The following RUFY3 variants were observed in gnomAD, a reference collection of about 807,000 sequenced individuals.
RUFY3 encodes protein RUFY3.
In RUFY3, 34 loss-of-function variants were observed where a neutral mutation model predicts 84.0. The observed-to-expected ratio is 0.40, with a 90% CI of 0.31 to 0.54. The LOEUF is 0.54. Among genes scored for constraint, RUFY3 ranks in the 20% least tolerant of loss-of-function variants. The pLI is 0.39. For missense variants in RUFY3, 507 were observed against 736.8 expected, an observed-to-expected ratio of 0.69 and a Z score of 3.61; for synonymous variants, 242 against 252.9, an observed-to-expected ratio of 0.96 and a Z score of 0.41.
chr4:70,796,813 T>A (rs1731572459), intron 14 of RUFY3, among the ~76,000 whole-genome samples: 1 of 152,186 alleles, frequency 6.6e-6, no homozygotes, highest in East Asian at 1.9e-4. Context: ...CCCCAAAAGC[T>A]TTTTGTAAAG....
chr4:70,707,996 C>T (rs1403785136), intron 1 of RUFY3, among the ~76,000 whole-genome samples: 3 of 152,176 alleles, frequency 2.0e-5, no homozygotes, highest in South Asian at 4.1e-4. Context: ...TGGTGGCTCA[C>T]ACCTGTAATC....
In RUFY3 at chr4:70,722,669, A is replaced by G. The variant is rs749090282; in HGVS notation, c.96A>G (p.Arg32=). 4.3e-6 allele frequency: 7 copies of G among 1,613,848 alleles called. No individual in the cohort carries two copies. The Admixed American group carries it at 1.2e-4, about 27-fold the overall frequency. Residue 32 remains arginine, a synonymous_variant, in exon 1 of 18, where the codon CGA becomes CGG. Transcript: ENST00000381006. Reference sequence around the variant, plus strand: ...AGACCATCTACCTTTGCAAATTCCGAGTGTCCATGGATGGAGAATGGCTCT... The same window carrying G: ...AGACCATCTACCTTTGCAAATTCCGGGTGTCCATGGATGGAGAATGGCTCT... ...AMETIYLCKF[R]VSMDGEWLCL...
rs1373905949 is a variant in RUFY3 at position 70,722,267 on chromosome 4, T to TG, written c.-301dup. ...CCTATAGCTCAGCTGAAAAAAAAGGTGGGGGGCAGGGAAGGGAAGATAAAA... is the reference window on the plus strand; with the variant it reads ...CCTATAGCTCAGCTGAAAAAAAAGGTGGGGGGGCAGGGAAGGGAAGATAAAA... On this transcript the variant is annotated 5_prime_UTR_variant, in exon 1 of 18. Transcript: ENST00000381006. 3.2e-6 allele frequency: 4 copies of TG among 1,231,100 alleles called. No individual in the cohort carries two copies. Among genetic ancestry groups the TG allele is most frequent in the South Asian group, 4.2e-5 (1 of 23,594 alleles). 76.3% of individuals were successfully genotyped at this position (1,231,100 alleles called of 1,614,324 possible).
At chr4:70,795,392 G>A (rs1731376429) in intron 14 of RUFY3, among the ~76,000 whole-genome samples, 2 of 151,972 alleles carry the variant, frequency 1.3e-5, no homozygotes, top group Admixed American at 1.3e-4. Context: ...CTTGAGGAAA[G>A]GAAGGTAATA....
At chr4:70,718,422 C>T (rs1422849838), upstream of RUFY3, among the ~76,000 whole-genome samples, 2 of 152,098 alleles carry the variant, frequency 1.3e-5, no homozygotes, top group African/African-American at 2.4e-5. Context: ...GTTTAAGCAG[C>T]TAGAACGTAG....
chr4:70,724,992 T>C (rs1348121381), intron 1 of RUFY3, among the ~76,000 whole-genome samples: 1 of 152,174 alleles, frequency 6.6e-6, no homozygotes, highest in Non-Finnish European at 1.5e-5. Context: ...CAGACTGCTT[T>C]CCGGGCTGAT....
intron 1 of RUFY3, among the ~76,000 whole-genome samples, chr4:70,740,267 CTTAAA>C (rs751030988): frequency 6.6e-6 from 1 of 152,108 alleles, no homozygotes; most frequent in Non-Finnish European, 1.5e-5. Flanking sequence ...GAAAAGTTCT[CTTAAA>C]TTAATTGCAT....
intron 1 of RUFY3, among the ~76,000 whole-genome samples, chr4:70,739,302 A>T (rs2148640981): frequency 6.6e-6 from 1 of 152,168 alleles, no homozygotes; most frequent in African/African-American, 2.4e-5. Context: ...TTTAATATTT[A>T]GCTTAGCTGG....
At chr4:70,732,769 G>A (rs1719496606) in intron 1 of RUFY3, among the ~76,000 whole-genome samples, 1 of 108,484 alleles carries the variant, frequency 9.2e-6, no homozygotes, top group African/African-American at 6.0e-5. Flanking sequence ...TGGGTAGGGG[G>A]CTGGGGGGAG....
intron 3 of RUFY3, among the ~76,000 whole-genome samples, chr4:70,763,988 C>T (rs960263717): frequency 5.3e-5 from 8 of 152,100 alleles, no homozygotes; most frequent in African/African-American, 1.9e-4. Flanking sequence ...AAAAGGTATT[C>T]AGTGGGTTTG....
chr4:70,723,107 T>G (rs932096831), intron 1 of RUFY3, among the ~76,000 whole-genome samples: 2 of 152,158 alleles, frequency 1.3e-5, no homozygotes, highest in African/African-American at 4.8e-5. Context: ...ATTGTAGTGA[T>G]TTATAACACT....
intron 1 of RUFY3, among the ~76,000 whole-genome samples, chr4:70,747,187 G>A (rs1722371731): frequency 6.6e-6 from 1 of 152,140 alleles, no homozygotes; most frequent in African/African-American, 2.4e-5. Context: ...TTTGAATAGA[G>A]TTCAAACTCC....
intron 5 of RUFY3, 54 bp from the exon 6 acceptor site, chr4:70,773,457 T>C (rs1428379241): frequency 7.9e-7 from 1 of 1,269,038 alleles, no homozygotes; most frequent in Non-Finnish European, 1.1e-6. Context: ...CATTGTGTTA[T>C]GCCTTGTAAA....
At chr4:70,729,990 A>G (rs1183034957) in intron 1 of RUFY3, among the ~76,000 whole-genome samples, 2 of 145,902 alleles carry the variant, frequency 1.4e-5, no homozygotes, top group East Asian at 2.0e-4. Flanking sequence ...GCTGGAACAC[A>G]GTGGCGCAAT....
At chr4:70,783,322 G>A (rs1465549215) in intron 9 of RUFY3, 139 bp downstream of exon 9, 4 of 644,564 alleles carry the variant, frequency 6.2e-6, no homozygotes, top group Non-Finnish European at 1.1e-5. Context: ...GCATAATTGT[G>A]TGATGAAGGT....
chr4:70,754,518 C>G (rs1225056712), intron 1 of RUFY3, among the ~76,000 whole-genome samples: 3 of 150,690 alleles, frequency 2.0e-5, no homozygotes, highest in Non-Finnish European at 4.4e-5. Flanking sequence ...GGTCCTAAGA[C>G]TCTATTATAA....
chr4:70,795,473 G>A (rs565635215), intron 14 of RUFY3, among the ~76,000 whole-genome samples: 10 of 152,298 alleles, frequency 6.6e-5, no homozygotes, highest in African/African-American at 2.4e-4. Flanking sequence ...CACCTCCAGT[G>A]ATGAAGGAGC....
Position 70,789,533 on chromosome 4 carries a change from C to T in RUFY3, c.1278C>T (p.Asn426=). ...DLGVKQKSEL[N]SRLEEKTNQM... is the part of the protein sequence containing the mutation. ...GAGTAAAACAGAAAAGTGAACTAAA[C>T]AGTCGCTTGGAAGAGAAGACTAATC... The change falls in exon 12 of 18, where the codon AAC becomes AAT. Residue 426 remains asparagine (N), a synonymous_variant. Coordinates refer to ENST00000381006, the MANE Select transcript of RUFY3 (RefSeq NM_001037442.4). 2 of 1,612,820 alleles carry T rather than the reference C, an allele frequency of 1.2e-6. No individual in the cohort carries two copies. The highest frequency in any genetic ancestry group is 1.1e-5 in the South Asian group (1 of 90,970).
intron 6 of RUFY3, among the ~76,000 whole-genome samples, chr4:70,774,344 C>T (rs1296864125): frequency 1.3e-5 from 2 of 151,268 alleles, no homozygotes; most frequent in African/African-American, 4.9e-5. Context: ...CATGGTGGCT[C>T]ATGCTTGTAA....
Sources: gnomAD v4.1 joint callset for allele counts (sites outside exome capture counted in the v4.1 genomes callset) on GRCh38, gnomAD v4.1.1 for gene constraint, MANE v1.5 for transcripts, NCBI Gene and HGNC (gene_info 2026-07-23, HGNC 2026-07-21) for gene names.